NCKAP5: variants seen among roughly 807,000 people sequenced by gnomAD.
The protein encoded by NCKAP5 is nck-associated protein 5.
NCKAP5 carries 92 observed loss-of-function variants against 167.0 expected under a neutral mutation model. That is an observed-to-expected ratio of 0.55 (90% CI 0.47 to 0.66). NCKAP5 has a LOEUF of 0.66. Among genes scored for constraint, NCKAP5 ranks in the 30% least tolerant of loss-of-function variants. The probability of loss-of-function intolerance (pLI) is 0.00; values close to 1 mark genes in which losing one functional copy is unlikely to be tolerated. For missense variants in NCKAP5, 2,378 were observed against 2,315.0 expected (o/e 1.03, Z -0.56); for synonymous variants, 891 against 877.4 (o/e 1.02, Z -0.27).
At chr2:133,495,477 A>C (rs1447632580) in intron 3 of NCKAP5, among the ~76,000 whole-genome samples, 1 of 152,244 alleles carries the variant, frequency 6.6e-6, no homozygotes, top group African/African-American at 2.4e-5. Context: ...ACACATGCAG[A>C]ATAAACTGGA....
chr2:132,983,297 A>T (rs1217767782), intron 7 of NCKAP5, among the ~76,000 whole-genome samples: 1 of 152,046 alleles, frequency 6.6e-6, no homozygotes, highest in Non-Finnish European at 1.5e-5. Context: ...GATACCTTTT[A>T]TTTCTTTATC....
At chr2:132,956,918 T>C (rs1225289285) in intron 8 of NCKAP5, among the ~76,000 whole-genome samples, 1 of 152,178 alleles carries the variant, frequency 6.6e-6, no homozygotes, top group Non-Finnish European at 1.5e-5. Context: ...CAGGCTCAGA[T>C]GCTGGCTCCT....
intron 17 of NCKAP5, among the ~76,000 whole-genome samples, chr2:132,730,410 A>G (rs553142471): frequency 6.6e-6 from 1 of 152,224 alleles, no homozygotes; most frequent in Admixed American, 6.5e-5. Context: ...CAAGAGACTC[A>G]GCTGAATCCA....
chr2:132,862,448 A>G (rs1689985802), intron 10 of NCKAP5, among the ~76,000 whole-genome samples: 1 of 152,228 alleles, frequency 6.6e-6, no homozygotes, highest in African/African-American at 2.4e-5. Flanking sequence ...ATGACGTGCA[A>G]GAGTGCAAGA....
At chr2:133,633,404 C>A in the NCKAP5 span, among the ~76,000 whole-genome samples, 1 of 152,206 alleles carries the variant, frequency 6.6e-6, no homozygotes, top group Non-Finnish European at 1.5e-5. Flanking sequence ...TCTGCTATTT[C>A]TAGCCTAGGG....
chr2:133,443,040 T>C (rs1044467523), intron 3 of NCKAP5, among the ~76,000 whole-genome samples: 3 of 152,264 alleles, frequency 2.0e-5, no homozygotes, highest in Admixed American at 1.3e-4. Flanking sequence ...TTTGCCAAGA[T>C]GTAGCATTTC....
chr2:132,758,857 TC>T (rs1680771840), intron 16 of NCKAP5, among the ~76,000 whole-genome samples: 1 of 152,168 alleles, frequency 6.6e-6, no homozygotes, highest in Non-Finnish European at 1.5e-5. Context: ...AAAATACACT[TC>T]AAATACAAGA....
intron 16 of NCKAP5, among the ~76,000 whole-genome samples, chr2:132,764,193 G>A (rs1681254419): frequency 6.6e-6 from 1 of 152,200 alleles, no homozygotes; most frequent in Non-Finnish European, 1.5e-5. Flanking sequence ...CAAGCTGACA[G>A]TAAAACCAGA....
At chr2:132,713,797 A>G (rs1689097042) in intron 19 of NCKAP5, among the ~76,000 whole-genome samples, 1 of 152,188 alleles carries the variant, frequency 6.6e-6, no homozygotes, top group Non-Finnish European at 1.5e-5. Flanking sequence ...TGGGGGGTTC[A>G]TAAATAGAGA....
chr2:133,523,250 C>T (rs1321171189), intron 2 of NCKAP5, among the ~76,000 whole-genome samples: 1 of 151,582 alleles, frequency 6.6e-6, no homozygotes, highest in African/African-American at 2.4e-5. Context: ...AGTAACAAAA[C>T]CGCACCATTG....
intron 3 of NCKAP5, among the ~76,000 whole-genome samples, chr2:133,442,317 C>T (rs999734876): frequency 2.6e-5 from 4 of 152,268 alleles, no homozygotes; most frequent in East Asian, 1.9e-4. Flanking sequence ...CTGACAAAGA[C>T]GACCCTCCTC....
intron 3 of NCKAP5, among the ~76,000 whole-genome samples, chr2:133,350,393 A>T (rs1390007570): frequency 1.3e-5 from 2 of 152,200 alleles, no homozygotes; most frequent in Non-Finnish European, 2.9e-5. Context: ...AGCCTGATCA[A>T]CAAAGAAAGA....
chr2:133,492,593 C>A (rs1339281254), intron 3 of NCKAP5, among the ~76,000 whole-genome samples: 2 of 152,174 alleles, frequency 1.3e-5, no homozygotes, highest in East Asian at 3.9e-4. Flanking sequence ...GACCAAGAAC[C>A]AAAGTAATTT....
intron 9 of NCKAP5, among the ~76,000 whole-genome samples, chr2:132,871,333 A>G (rs1250704572): frequency 6.6e-6 from 1 of 152,236 alleles, no homozygotes. Context: ...AAAACAAAAC[A>G]AAACAGAAGA....
intron 9 of NCKAP5, among the ~76,000 whole-genome samples, chr2:132,873,788 T>G (rs1383899760): frequency 6.6e-6 from 1 of 152,228 alleles, no homozygotes; most frequent in African/African-American, 2.4e-5. Context: ...TGCTCATCTC[T>G]GAAGAGATAA....
Position 133,018,954 on chromosome 2 carries a change from T to A in NCKAP5, c.342-24715A>T, listed in dbSNP as rs145293549. The stretch of plus-strand genomic sequence containing the variant: ...TATTTAAAAGTCAACCATTAGAGGT[T>A]CATTTCTCTAGCTTTAAGTTCTTGC... On this transcript the variant is annotated intron_variant, in intron 6 of 19. Transcript: ENST00000409261. Among the ~76,000 whole-genome samples the A allele has an allele frequency of 1.8e-4, 27 of 152,342 alleles. No individual in the cohort carries two copies. In the East Asian group the frequency reaches 4.6e-3, roughly 26 times the overall value.
intron 16 of NCKAP5, among the ~76,000 whole-genome samples, chr2:132,742,583 A>G (rs1239399810): frequency 1.3e-5 from 2 of 152,044 alleles, no homozygotes; most frequent in East Asian, 3.9e-4. Context: ...TATTACTGTA[A>G]TTACAGATAT....
At chr2:133,139,219 G>T (rs1258500101) in intron 5 of NCKAP5, among the ~76,000 whole-genome samples, 1 of 152,084 alleles carries the variant, frequency 6.6e-6, no homozygotes, top group African/African-American at 2.4e-5. Flanking sequence ...TAATGCTAAG[G>T]TCCCTTCCAA....
At chr2:132,940,619 T>C (rs1697226204) in intron 8 of NCKAP5, among the ~76,000 whole-genome samples, 1 of 152,166 alleles carries the variant, frequency 6.6e-6, no homozygotes, top group Non-Finnish European at 1.5e-5. Context: ...CAGGATATTA[T>C]GCAGCCATTG....
Sources: gnomAD v4.1 joint callset for allele counts (sites outside exome capture counted in the v4.1 genomes callset) on GRCh38, gnomAD v4.1.1 for gene constraint, MANE v1.5 for transcripts, NCBI Gene and HGNC (gene_info 2026-07-23, HGNC 2026-07-21) for gene names.